Variants in ACOX2 observed in about 807,000 individuals in gnomAD.
ACOX2 encodes peroxisomal acyl-coenzyme A oxidase 2.
Under a neutral mutation model 77.5 loss-of-function variants are expected in ACOX2, and 59 were observed. That is an observed-to-expected ratio of 0.76 (90% CI 0.62 to 0.95). ACOX2 has a LOEUF of 0.95. Ranked by LOEUF, ACOX2 falls within the 40% of genes least tolerant of loss-of-function variation. The pLI is 0.00. For missense variants in ACOX2, 837 were observed against 880.4 expected (o/e 0.95, Z 0.62); for synonymous variants, 317 against 340.1 (o/e 0.93, Z 0.75).
chr3:58,531,827 A>G lies in ACOX2; in HGVS notation c.584-15T>C, dbSNP rs2063442724. ...TGACCGTCCCACTGAGGGCAGAGAGAGTAGCGGCCCGTCACAGGAAGACCT... is the reference window on the plus strand; with the variant it reads ...TGACCGTCCCACTGAGGGCAGAGAGGGTAGCGGCCCGTCACAGGAAGACCT... On this transcript the variant is annotated splice_polypyrimidine_tract_variant and intron_variant, in intron 5 of 14. Transcript: ENST00000302819. This position sits in a 1 kb window ranked among gnomAD's most constrained non-coding sequence, Gnocchi z 5.8. 3.7e-6 allele frequency: 6 copies of G among 1,609,486 alleles called. No individual in the cohort carries two copies. In the South Asian group the frequency reaches 4.4e-5, roughly 12 times the overall value.
At position 58,535,383 on chromosome 3, in the gene ACOX2, T is replaced by C; in HGVS notation, c.-91-186A>G. The C allele has an allele frequency of 2.1e-6, 1 of 482,052 alleles. No individual in the cohort carries two copies. Among genetic ancestry groups the C allele is most frequent in the Non-Finnish European group, 3.7e-6 (1 of 268,602 alleles). 29.9% of individuals were successfully genotyped at this position (482,052 alleles called of 1,614,324 possible). A position where few individuals can be genotyped will look rare whatever the true frequency, so the allele number is the denominator to read the frequency against. The stretch of plus-strand genomic sequence containing the variant: ...CATTGCTTGGTACATGTTTGTTCAA[T>C]ACTTGTTAGCCAAAATTGGACAGGG... On this transcript the variant is annotated intron_variant, in intron 1 of 14. Transcript: ENST00000302819. The surrounding 1 kb of genome is among the most constrained non-coding windows in gnomAD (Gnocchi z 4.8).
rs1171697285 is a variant in ACOX2 at position 58,512,902 on chromosome 3, C to G, written c.1851-3877G>C. Among the ~76,000 whole-genome samples the G allele has an allele frequency of 6.6e-6, 1 of 152,220 alleles. No individual in the cohort carries two copies. The highest frequency in any genetic ancestry group is 2.4e-5 in the African/African-American group (1 of 41,448). On this transcript the variant is annotated intron_variant, in intron 13 of 14. Coordinates refer to ENST00000302819, the MANE Select transcript of ACOX2 (RefSeq NM_003500.4). The surrounding 1 kb of genome is among the most constrained non-coding windows in gnomAD (Gnocchi z 4.8). The stretch of plus-strand genomic sequence containing the variant: ...TACCATTTAGGCTTGTGTAAGTACA[C>G]TCTGTGATGTTCACATGATGACAGA...
rs1353968482 is a variant in ACOX2 at position 58,523,786 on chromosome 3, C to T, written c.1526+640G>A. On this transcript the variant is annotated intron_variant, in intron 11 of 14. Transcript: ENST00000302819. This position sits in a 1 kb window ranked among gnomAD's most constrained non-coding sequence, Gnocchi z 5.3. ...TTTAATTTGGGGGCAGCATTCAGAA[C>T]GTTTTCTTTTTAGGTAGTTAAACCT... Among the ~76,000 whole-genome samples the T allele has an allele frequency of 1.3e-5, 2 of 152,046 alleles. No individual in the cohort carries two copies. The highest frequency in any genetic ancestry group is 6.6e-5 in the Admixed American group (1 of 15,260).
In ACOX2 at chr3:58,509,498, G is replaced by C. The variant is rs553543251; in HGVS notation, c.1851-473C>G. Reference sequence around the variant, plus strand: ...GTGGAGATTATGCCACTGCACTCCAGCCTGGGCGACAGAGTGAGACTCCTG... The same window carrying C: ...GTGGAGATTATGCCACTGCACTCCACCCTGGGCGACAGAGTGAGACTCCTG... On this transcript the variant is annotated intron_variant, in intron 13 of 14. Coordinates refer to ENST00000302819, the MANE Select transcript of ACOX2 (RefSeq NM_003500.4). 5.9e-4 allele frequency among the ~76,000 whole-genome samples: 89 copies of C among 151,318 alleles called. 1 individual carries two copies. The highest frequency in any genetic ancestry group is 1.0e-3 in the Non-Finnish European group (71 of 67,940).
Position 58,531,697 on chromosome 3 carries a change from C to G in ACOX2, c.699G>C (p.Leu233=). The change falls in exon 6 of 15, where the codon CTG becomes CTC. Residue 233 remains leucine, a synonymous_variant. Coordinates refer to ENST00000302819, the MANE Select transcript of ACOX2 (RefSeq NM_003500.4). This position sits in a 1 kb window ranked among gnomAD's most constrained non-coding sequence, Gnocchi z 5.8. Reference sequence around the variant, plus strand: ...GAGGGAGCATTATGGGCTTACCTGGCAGTGGGGTGTGGTCCTGAAGACTCC... The same window carrying G: ...GAGGGAGCATTATGGGCTTACCTGGGAGTGGGGTGTGGTCCTGAAGACTCC... ...PIRSLQDHTP[L]PGIIIGDIGP... The G allele has an allele frequency of 6.2e-7, 1 of 1,613,848 alleles. No individual in the cohort carries two copies.
chr3:58,534,826 T>C lies in ACOX2; in HGVS notation c.160+121A>G, dbSNP rs2063469111. The C allele has an allele frequency of 1.3e-6, 2 of 1,489,886 alleles. No homozygotes were observed. The highest frequency in any genetic ancestry group is 2.3e-5 in the East Asian group (1 of 44,136). The allele number at this position is 1,489,886 out of a possible 1,614,324, so 92.3% of individuals were successfully genotyped here. A position where few individuals can be genotyped will look rare whatever the true frequency, so the allele number is the denominator to read the frequency against. ...TTTACAGTTCGAAGGAATGAATCTC[T>C]AACAGTGGAATTTCAAGGGCAAAGT... On this transcript the variant is annotated intron_variant, in intron 2 of 14. Coordinates refer to ENST00000302819, the MANE Select transcript of ACOX2 (RefSeq NM_003500.4). This position sits in a 1 kb window ranked among gnomAD's most constrained non-coding sequence, Gnocchi z 4.8.
In ACOX2 at chr3:58,524,403, C is replaced by G; in HGVS notation, c.1526+23G>C. On this transcript the variant is annotated intron_variant, in intron 11 of 14. Transcript: ENST00000302819. The surrounding 1 kb of genome is among the most constrained non-coding windows in gnomAD (Gnocchi z 5.5). ...TGGAGCCTGTGCCCAGGTGGGATGG[C>G]TGATTTCTCAGCACTGGCTTACCTT... 6.2e-7 allele frequency: 1 copy of G among 1,602,298 alleles called. No homozygotes were observed. The highest frequency in any genetic ancestry group is 8.5e-7 in the Non-Finnish European group (1 of 1,170,596).
In ACOX2 at chr3:58,533,589, G is replaced by A; in HGVS notation, c.476-37C>T. 6.3e-7 allele frequency: 1 copy of A among 1,599,492 alleles called. No individual in the cohort carries two copies. The highest frequency in any genetic ancestry group is 8.6e-7 in the Non-Finnish European group (1 of 1,167,074). On this transcript the variant is annotated intron_variant, in intron 4 of 14. Transcript: ENST00000302819. This position sits in a 1 kb window ranked among gnomAD's most constrained non-coding sequence, Gnocchi z 5.6. Reference sequence around the variant, plus strand: ...GGAGAGGTGTTAGACATTGGCCTGAGGTGGGGTTCTTACCTGTGAAGCTGC... The same window carrying A: ...GGAGAGGTGTTAGACATTGGCCTGAAGTGGGGTTCTTACCTGTGAAGCTGC...
At chr3:58,513,933 T>A (rs1288398264) in intron 13 of ACOX2, among the ~76,000 whole-genome samples, 1 of 152,180 alleles carries the variant, frequency 6.6e-6, no homozygotes, top group East Asian at 1.9e-4. Flanking sequence ...AGAAGGATCA[T>A]CTTACCATCT....
At position 58,524,731 on chromosome 3, in the gene ACOX2, C is replaced by A; in HGVS notation, c.1347-126G>T. On this transcript the variant is annotated intron_variant, in intron 10 of 14. Coordinates refer to ENST00000302819, the MANE Select transcript of ACOX2 (RefSeq NM_003500.4). The surrounding 1 kb of genome is among the most constrained non-coding windows in gnomAD (Gnocchi z 5.5). The stretch of plus-strand genomic sequence containing the variant: ...CCTTCCCGTGGGAGAGCCAGGTCAC[C>A]AGGCCTCTGCCTGGCCTCCCTCCTG... 1 of 1,088,106 alleles carries A rather than the reference C, an allele frequency of 9.2e-7. No individual in the cohort carries two copies. Among genetic ancestry groups the A allele is most frequent in the Non-Finnish European group, 1.3e-6 (1 of 770,540 alleles). The allele number at this position is 1,088,106 out of a possible 1,614,324, so 67.4% of individuals were successfully genotyped here.
In ACOX2 at chr3:58,527,537, A is replaced by G. The variant is rs1362297468; in HGVS notation, c.1156-881T>C. Among the ~76,000 whole-genome samples, 6 of 109,044 alleles carry G rather than the reference A, an allele frequency of 5.5e-5. No individual in the cohort carries two copies. The East Asian group carries it at 1.2e-3, about 22-fold the overall frequency. 71.5% of individuals were successfully genotyped at this position (109,044 alleles called of 152,430 possible). ...GGTGACAGAGTGAGACTGTCTCAGG[A>G]AAAAAAAAAAAAAGAAAGAAAGAGG... On this transcript the variant is annotated intron_variant, in intron 9 of 14. Transcript: ENST00000302819.
intron 8 of ACOX2, 77 bp from the exon 9 acceptor site, chr3:58,529,033 C>T: frequency 2.1e-6 from 3 of 1,440,706 alleles, no homozygotes; most frequent in Non-Finnish European, 2.8e-6. Context: ...ACCATAAAAA[C>T]CTTAAAAACA....
rs56029760 is a variant in ACOX2 at position 58,505,800 on chromosome 3, G to GT, written c.1984-515dup. ...CTCCTCGAACACTGGGCTTTTGACT[G>GT]TTTTTTTTTGGAGACAGTATTGCTC... On this transcript the variant is annotated intron_variant, in intron 14 of 14. Transcript: ENST00000302819. The surrounding 1 kb of genome is among the most constrained non-coding windows in gnomAD (Gnocchi z 4.4). 0.26 allele frequency among the ~76,000 whole-genome samples: 39,775 copies of GT among 150,372 alleles called. 7,009 individuals are homozygous for GT. Among genetic ancestry groups the GT allele is most frequent in the East Asian group, 0.68 (3,488 of 5,114 alleles).
chr3:58,510,276 C>T (rs2063268812), intron 13 of ACOX2, among the ~76,000 whole-genome samples: 1 of 151,998 alleles, frequency 6.6e-6, no homozygotes, highest in African/African-American at 2.4e-5. Context: ...TCCCCCTGCC[C>T]CCTTGTGGTC....
At position 58,522,627 on chromosome 3, in the gene ACOX2, A is replaced by G; in HGVS notation, c.1527-26T>C. ...CTGAAAGCCAAAGCAAAAAAGGTTC[A>G]GCTTCCTGACTGAGTGGAAAAGACA... On this transcript the variant is annotated intron_variant, in intron 11 of 14. Transcript: ENST00000302819. This position sits in a 1 kb window ranked among gnomAD's most constrained non-coding sequence, Gnocchi z 4.3. 3 of 1,607,990 alleles carry G rather than the reference A, an allele frequency of 1.9e-6. No individual in the cohort carries two copies. Among genetic ancestry groups the G allele is most frequent in the Non-Finnish European group, 2.6e-6 (3 of 1,174,368 alleles).
At chr3:58,529,006 C>T (rs546452605) in intron 8 of ACOX2, 50 bp from the exon 9 acceptor site, 1 of 1,513,328 alleles carries the variant, frequency 6.6e-7, no homozygotes, top group Non-Finnish European at 8.9e-7. Context: ...TTGTGTCCAC[C>T]TTCCCCTATC....
intron 7 of ACOX2, 89 bp from the exon 8 acceptor site, chr3:58,530,727 A>G: frequency 1.4e-6 from 2 of 1,424,010 alleles, no homozygotes; most frequent in Non-Finnish European, 1.9e-6. Flanking sequence ...CCACACATGG[A>G]GGGCACCTCG....
intron 8 of ACOX2, among the ~76,000 whole-genome samples, chr3:58,530,133 A>G (rs2063426202): frequency 6.6e-6 from 1 of 152,238 alleles, no homozygotes. Flanking sequence ...TCACAGCCGC[A>G]CAGAACACGG....
chr3:58,535,296 CT>C lies in ACOX2; in HGVS notation c.-91-100del, dbSNP rs2063473848. 4.6e-6 allele frequency: 3 copies of C among 649,024 alleles called. No individual in the cohort carries two copies. Among genetic ancestry groups the C allele is most frequent in the Non-Finnish European group, 8.0e-6 (3 of 373,266 alleles). The allele number at this position is 649,024 out of a possible 1,614,324, so 40.2% of individuals were successfully genotyped here. On this transcript the variant is annotated intron_variant, in intron 1 of 14. Transcript: ENST00000302819. This position sits in a 1 kb window ranked among gnomAD's most constrained non-coding sequence, Gnocchi z 4.8. The stretch of plus-strand genomic sequence containing the variant: ...ACCTGAATGCCACTCCACCTCCCCA[CT>C]CCCCCTGTGGACACTGGCTGTGGAC...
Sources: gnomAD v4.1 joint callset for allele counts (sites outside exome capture counted in the v4.1 genomes callset) on GRCh38, gnomAD v4.1.1 for gene constraint, Gnocchi (gnomAD v3.1) non-coding constraint, MANE v1.5 for transcripts, NCBI Gene and HGNC (gene_info 2026-07-23, HGNC 2026-07-21) for gene names.